Variants in AKNA observed in about 807,000 individuals in gnomAD.
The protein encoded by AKNA is microtubule organization protein AKNA.
Under a neutral mutation model 138.8 loss-of-function variants are expected in AKNA, and 67 were observed. That is an observed-to-expected ratio of 0.48 (90% CI 0.40 to 0.59). The LOEUF (loss-of-function observed/expected upper bound fraction) is 0.59, where lower values mean the gene tolerates loss of function less well. Ranked by LOEUF, AKNA falls within the 20% of genes least tolerant of loss-of-function variation. The pLI is 0.00. For missense variants in AKNA, 1,813 were observed against 1,880.4 expected, an observed-to-expected ratio of 0.96 and a Z score of 0.66; for synonymous variants, 737 against 754.4, an observed-to-expected ratio of 0.98 and a Z score of 0.38.
chr9:114,361,661 A>C, intron 9 of AKNA, 43 bp downstream of exon 9: 1 of 1,599,092 alleles, frequency 6.3e-7, no homozygotes, highest in Non-Finnish European at 8.6e-7. Flanking sequence ...CGAAGAAATG[A>C]ATGCACGAGG....
rs748069529 is a variant in AKNA at position 114,350,938 on chromosome 9, G to C, written c.3142C>G (p.Pro1048Ala). Residue 1048 changes from proline (P) to alanine (A), a missense_variant, in exon 15 of 22, where the codon CCC (proline) becomes GCC (alanine). Physicochemically the swap from Pro to Ala is conservative, Grantham distance 27 (BLOSUM62 -1). Coordinates refer to ENST00000374088, the MANE Select transcript of AKNA (RefSeq NM_001317950.2). ...PNKTISPPPAPAPAAAPLPCG... is the reference protein window; with the variant it reads ...PNKTISPPPAAAPAAAPLPCG... ...GGTAGAGGCGCAGCGGCAGGGGCGGGGGCTGGGGGTGGGCTGATTGTCTTG... is the reference window on the plus strand; with the variant it reads ...GGTAGAGGCGCAGCGGCAGGGGCGGCGGCTGGGGGTGGGCTGATTGTCTTG... 14 of 1,612,342 alleles carry C rather than the reference G, an allele frequency of 8.7e-6. No homozygotes were observed. Among genetic ancestry groups the C allele is most frequent in the African/African-American group, 8.0e-5 (6 of 74,840 alleles).
intron 4 of AKNA, 87 bp downstream of exon 4, chr9:114,374,006 A>C (rs1832987305): frequency 7.3e-7 from 1 of 1,368,292 alleles, no homozygotes; most frequent in African/African-American, 1.4e-5. Flanking sequence ...TAGATGGAGG[A>C]GGCAGTGGCC....
intron 15 of AKNA, among the ~76,000 whole-genome samples, chr9:114,350,519 C>T (rs1831031947): frequency 6.6e-6 from 1 of 152,196 alleles, no homozygotes; most frequent in Non-Finnish European, 1.5e-5. Flanking sequence ...GCTTCTTGGT[C>T]CATACAATCA....
downstream of AKNA, chr9:114,330,818 G>A: frequency 6.2e-7 from 1 of 1,613,910 alleles, no homozygotes; most frequent in Non-Finnish European, 8.5e-7. Flanking sequence ...TATAACTCCA[G>A]TTACCTGAAT....
At chr9:114,372,964 C>CCG (rs1554842042) in intron 4 of AKNA, among the ~76,000 whole-genome samples, 2 of 26,122 alleles carry the variant, frequency 7.7e-5, no homozygotes, top group African/African-American at 2.7e-4. Context: ...GGGGACGCAG[C>CCG]GGGGGGGGGG....
rs1832418700 is a variant in AKNA, at chr9:114,367,093, C to T, written c.1728+450G>A. On this transcript the variant is annotated intron_variant, in intron 6 of 21. Transcript: ENST00000374088. ...CAGACCTGCAAACAATTCACGGTTA[C>T]TTGGACTGTTTCATGAAGATACGAA... 2.0e-5 allele frequency among the ~76,000 whole-genome samples: 3 copies of T among 152,108 alleles called. No individual in the cohort carries two copies. In the South Asian group the frequency reaches 6.2e-4, roughly 31 times the overall value.
intron 14 of AKNA, among the ~76,000 whole-genome samples, chr9:114,351,798 T>G (rs1831144898): frequency 6.6e-6 from 1 of 152,070 alleles, no homozygotes; most frequent in Non-Finnish European, 1.5e-5. Context: ...GACACTGCAC[T>G]GCAGCCTGGG....
intron 1 of AKNA, chr9:114,383,043 C>A (rs1325801010): frequency 9.3e-6 from 4 of 430,158 alleles, no homozygotes; most frequent in Admixed American, 2.6e-5. Flanking sequence ...GAGCTGGGGG[C>A]GGGGAGCAAG....
chr9:114,357,772 G>C (rs1490060005), intron 12 of AKNA, 149 bp downstream of exon 12: 9 of 1,292,570 alleles, frequency 7.0e-6, no homozygotes, highest in Non-Finnish European at 9.6e-6. Flanking sequence ...CATAAGTCCT[G>C]CATGTCAGGT....
chr9:114,336,246 A>T lies in AKNA; in HGVS notation c.*808T>A, dbSNP rs957039645. The T allele has an allele frequency of 2.0e-4, 30 of 152,688 alleles. No individual in the cohort carries two copies. The highest frequency in any genetic ancestry group is 6.8e-4 in the African/African-American group (28 of 41,464). The allele number at this position is 152,688 out of a possible 1,614,324, so 9.5% of individuals were successfully genotyped here. A position where few individuals can be genotyped will look rare whatever the true frequency, so the allele number is the denominator to read the frequency against. On this transcript the variant is annotated 3_prime_UTR_variant, in exon 22 of 22. Coordinates refer to ENST00000374088, the MANE Select transcript of AKNA (RefSeq NM_001317950.2). Reference sequence around the variant, plus strand: ...TCAAATATACAAACATCATTGATGCACACACATTCCAGAAATGCAGAGGTA... The same window carrying T: ...TCAAATATACAAACATCATTGATGCTCACACATTCCAGAAATGCAGAGGTA...
chr9:114,369,958 C>T (rs1180090006), intron 4 of AKNA, among the ~76,000 whole-genome samples: 1 of 152,190 alleles, frequency 6.6e-6, no homozygotes, highest in African/African-American at 2.4e-5. Context: ...TCATTATCTG[C>T]ACAGCCACCA....
chr9:114,375,734 CG>C (rs923735685), intron 3 of AKNA, among the ~76,000 whole-genome samples: 7 of 151,398 alleles, frequency 4.6e-5, no homozygotes, highest in Admixed American at 3.9e-4. Context: ...ATTGTGGATG[CG>C]GGGGGTAGGT....
At chr9:114,360,716 C>T (rs748686935) in intron 9 of AKNA, among the ~76,000 whole-genome samples, 28 of 152,180 alleles carry the variant, frequency 1.8e-4, no homozygotes, top group Non-Finnish European at 3.7e-4. Flanking sequence ...CCATCCTCAA[C>T]AGACAAGTCT....
chr9:114,355,251 C>T (rs751449859), intron 14 of AKNA, among the ~76,000 whole-genome samples: 39 of 151,582 alleles, frequency 2.6e-4, no homozygotes, highest in Non-Finnish European at 4.3e-4. Flanking sequence ...TTGCAGCTCA[C>T]TGCAACTTCC....
At chr9:114,348,000 A>G in intron 15 of AKNA, 100 bp from the exon 16 acceptor site, 1 of 1,307,242 alleles carries the variant, frequency 7.6e-7, no homozygotes, top group Non-Finnish European at 1.1e-6. Flanking sequence ...GTCCCTTCAC[A>G]GCAGGCACAG....
chr9:114,345,784 T>A, intron 18 of AKNA, 79 bp downstream of exon 18: 10 of 1,413,456 alleles, frequency 7.1e-6, no homozygotes, highest in Non-Finnish European at 9.7e-6. Flanking sequence ...ACTGGGTATA[T>A]GGAAAGGGCT....
chr9:114,373,885 C>CAAAAAAAAAAAAAAA (rs758805914), intron 4 of AKNA, among the ~76,000 whole-genome samples: 1 of 79,008 alleles, frequency 1.3e-5, no homozygotes, highest in Non-Finnish European at 2.3e-5. Context: ...GACCCTGACT[C>CAAAAAAAAAAAAAAA]AAAAAAAAAA....
intron 1 of AKNA, among the ~76,000 whole-genome samples, chr9:114,383,776 G>A (rs746422314): frequency 1.3e-5 from 2 of 152,182 alleles, no homozygotes; most frequent in African/African-American, 2.4e-5. Context: ...AGTTCCCCAG[G>A]GAACAGTGCA....
intron 20 of AKNA, 55 bp from the exon 21 acceptor site, chr9:114,341,780 G>A: frequency 6.6e-7 from 1 of 1,514,934 alleles, no homozygotes; most frequent in Non-Finnish European, 8.8e-7. Flanking sequence ...GGCAGATCCA[G>A]CCAAAGATGG....
Sources: allele counts gnomAD v4.1 joint callset (sites outside exome capture counted in the v4.1 genomes callset), GRCh38; gene constraint gnomAD v4.1.1; transcripts MANE v1.5; gene names NCBI Gene and HGNC (gene_info 2026-07-23, HGNC 2026-07-21).